The following UQCC5 variants were observed in gnomAD, a reference collection of about 807,000 sequenced individuals.
The protein encoded by UQCC5 is ubiquinol-cytochrome c reductase complex assembly factor 5, also known as UPF0640 protein C3orf78.
the UQCC5 span, chr3:52,540,670 TC>T: frequency 1.9e-6 from 1 of 517,594 alleles, no homozygotes; most frequent in Non-Finnish European, 3.3e-6. Flanking sequence ...ACTTCCCAAG[TC>T]ACTGCTGGAC....
chr3:52,539,746 C>T, the UQCC5 span, among the ~76,000 whole-genome samples: 4 of 151,542 alleles, frequency 2.6e-5, no homozygotes, highest in African/African-American at 7.3e-5. Flanking sequence ...TCAAGCGACT[C>T]TCCTGCCTAA....
the UQCC5 span, chr3:52,541,205 A>C: frequency 6.6e-6 from 1 of 152,320 alleles, no homozygotes; most frequent in South Asian, 2.1e-4. Flanking sequence ...GACTTGAGCT[A>C]AATCAGAGGC....
At chr3:52,536,772 AG>A in the UQCC5 span, 14 of 1,551,814 alleles carry the variant, frequency 9.0e-6, no homozygotes, top group Non-Finnish European at 1.2e-5. Flanking sequence ...ACCAGGGCCC[AG>A]GTGAGACGGA....
At chr3:52,538,693 T>C in the UQCC5 span, among the ~76,000 whole-genome samples, 2 of 152,192 alleles carry the variant, frequency 1.3e-5, no homozygotes, top group Admixed American at 6.5e-5. Context: ...ACTCCTGACC[T>C]CAGGTGATCT....
chr3:52,540,480 G>C, the UQCC5 span: 11 of 1,528,112 alleles, frequency 7.2e-6, no homozygotes, highest in African/African-American at 1.4e-5. Context: ...GCTGGAAGAT[G>C]AATGAGACTG....
At chr3:52,540,455 A>T in the UQCC5 span, 1 of 1,532,382 alleles carries the variant, frequency 6.5e-7, no homozygotes, top group South Asian at 1.3e-5. Context: ...CCTCAGAAAG[A>T]CAGTATCAGA....
At chr3:52,540,278 TTTTAAG>T in the UQCC5 span, 114 of 612,954 alleles carry the variant, frequency 1.9e-4, no homozygotes, top group Non-Finnish European at 2.3e-4. Flanking sequence ...TCAAGTTTTG[TTTTAAG>T]TTTATTTTGG....
the UQCC5 span, chr3:52,540,367 T>C: frequency 1.6e-6 from 2 of 1,265,428 alleles, no homozygotes; most frequent in South Asian, 1.4e-5. Flanking sequence ...ATTATTCAGA[T>C]TGTTTTAATT....
chr3:52,536,660 G>GC, the UQCC5 span: 265 of 1,506,638 alleles, frequency 1.8e-4, no homozygotes, highest in Middle Eastern at 4.7e-4. Context: ...CTCCCAGGTC[G>GC]CGGTACACGG....
the UQCC5 span, chr3:52,540,361 T>C: frequency 8.2e-7 from 1 of 1,224,576 alleles, no homozygotes; most frequent in Non-Finnish European, 1.1e-6. Context: ...GGTTAAATTA[T>C]TCAGATTGTT....
At chr3:52,536,714 T>A in the UQCC5 span, 2 of 1,549,850 alleles carry the variant, frequency 1.3e-6, no homozygotes, top group Non-Finnish European at 1.7e-6. Flanking sequence ...GGCGATCCAG[T>A]GCTTAGTTCC....
the UQCC5 span, chr3:52,537,016 G>A: frequency 1.4e-6 from 2 of 1,426,410 alleles, no homozygotes; most frequent in Non-Finnish European, 1.9e-6. Flanking sequence ...TCCACTCAGA[G>A]CGCTGGGCGA....
the UQCC5 span, chr3:52,541,886 G>A: frequency 6.6e-6 from 1 of 152,044 alleles, no homozygotes; most frequent in Admixed American, 6.6e-5. Context: ...AAAACCATTG[G>A]CTAACTTTTG....
At chr3:52,536,742 G>A in the UQCC5 span, 1 of 1,551,706 alleles carries the variant, frequency 6.4e-7, no homozygotes, top group African/African-American at 1.4e-5. Flanking sequence ...CCCTCTCCAC[G>A]ACCTCGGTCG....
the UQCC5 span, among the ~76,000 whole-genome samples, chr3:52,538,697 G>A: frequency 4.0e-3 from 613 of 152,318 alleles, 3 homozygotes; most frequent in South Asian, 0.023. Context: ...CTGACCTCAG[G>A]TGATCTGCCC....
chr3:52,539,415 A>G, the UQCC5 span, among the ~76,000 whole-genome samples: 1 of 152,108 alleles, frequency 6.6e-6, no homozygotes, highest in Non-Finnish European at 1.5e-5. Context: ...TATGAACAGA[A>G]ATCCTTCAGA....
At chr3:52,539,638 ATTTTTT>A in the UQCC5 span, among the ~76,000 whole-genome samples, 1 of 139,736 alleles carries the variant, frequency 7.2e-6, no homozygotes, top group African/African-American at 2.7e-5. Flanking sequence ...AAGGAAGAAG[ATTTTTT>A]TTTTTTTTTT....
the UQCC5 span, chr3:52,536,782 G>T: frequency 1.3e-6 from 2 of 1,551,878 alleles, no homozygotes; most frequent in Non-Finnish European, 1.7e-6. Flanking sequence ...AGGTGAGACG[G>T]ATTCTGCAGC....
At chr3:52,540,611 C>A in the UQCC5 span, 1 of 687,530 alleles carries the variant, frequency 1.5e-6, no homozygotes, top group Non-Finnish European at 2.3e-6. Flanking sequence ...CACAATATTC[C>A]AATAACTGTT....
Sources: gnomAD v4.1 joint callset for allele counts (sites outside exome capture counted in the v4.1 genomes callset) on GRCh38, gnomAD v4.1.1 for gene constraint, MANE v1.5 for transcripts, NCBI Gene and HGNC (gene_info 2026-07-23, HGNC 2026-07-21) for gene names.